The following CSMD1 variants were observed in gnomAD, a reference collection of about 807,000 sequenced individuals.
CSMD1 encodes the protein CUB and sushi domain-containing protein 1.
In CSMD1, 213 loss-of-function variants were observed where a neutral mutation model predicts 417.5. That is an observed-to-expected ratio of 0.51 (90% CI 0.46 to 0.57). The LOEUF (loss-of-function observed/expected upper bound fraction) is 0.57. Ranked by LOEUF, CSMD1 falls within the 20% of genes least tolerant of loss-of-function variation. CSMD1 has a pLI of 0.00. For synonymous variants in CSMD1, 2,862 were observed against 1,736.8 expected (o/e 1.65, Z -16.11); for missense variants, 6,923 against 4,529.7 (o/e 1.53, Z -15.17).
chr8:4,255,047 C>A (rs988941397), intron 3 of CSMD1, among the ~76,000 whole-genome samples: 1 of 152,196 alleles, frequency 6.6e-6, no homozygotes, highest in South Asian at 2.1e-4. Context: ...AGGAGTTGAT[C>A]AAGCAATTCT....
chr8:4,853,863 G>C (rs1182435469), intron 1 of CSMD1, among the ~76,000 whole-genome samples: 1 of 152,212 alleles, frequency 6.6e-6, no homozygotes, highest in Non-Finnish European at 1.5e-5. Context: ...CTGGATGCAG[G>C]ACATACAGTC....
intron 26 of CSMD1, among the ~76,000 whole-genome samples, chr8:3,281,082 T>C (rs1380483383): frequency 1.3e-5 from 2 of 152,164 alleles, no homozygotes; most frequent in African/African-American, 4.8e-5. Context: ...TGCACACAGA[T>C]GTTTAGAGGC....
chr8:3,452,877 G>C (rs1815842002), intron 12 of CSMD1, among the ~76,000 whole-genome samples: 1 of 152,180 alleles, frequency 6.6e-6, no homozygotes, highest in Non-Finnish European at 1.5e-5. Flanking sequence ...GATTGGAATA[G>C]TTTCAGAAGG....
chr8:3,754,037 G>C lies in CSMD1; in HGVS notation c.824C>G (p.Thr275Ser), dbSNP rs773240826. ...AACTGGAGAGGGGAGGTTCATGCCA[G>C]TTAGCCTAGAGAAGAGAAAGAGGAA... Reference protein sequence around the residue: ...SGTEAPSIWLTGMNLPSPVIS... With the variant: ...SGTEAPSIWLSGMNLPSPVIS... The change falls in exon 6 of 70, where the codon ACT becomes AGT. Residue 275 changes from threonine to serine, a missense_variant. Transcript: ENST00000635120. 1.4e-5 allele frequency: 22 copies of C among 1,610,374 alleles called. No individual in the cohort carries two copies. The highest frequency in any genetic ancestry group is 1.7e-5 in the Non-Finnish European group (20 of 1,177,424).
At chr8:4,756,498 T>A (rs1811676680) in intron 1 of CSMD1, among the ~76,000 whole-genome samples, 1 of 152,194 alleles carries the variant, frequency 6.6e-6, no homozygotes, top group African/African-American at 2.4e-5. Context: ...GTAAATAATA[T>A]TTGTTTTAAC....
At chr8:3,327,910 T>C (rs921804056) in intron 23 of CSMD1, among the ~76,000 whole-genome samples, 1 of 152,152 alleles carries the variant, frequency 6.6e-6, no homozygotes, top group Non-Finnish European at 1.5e-5. Flanking sequence ...GATCCTTTAA[T>C]TGGGTCACCT....
At chr8:3,820,842 C>T (rs890514463) in intron 5 of CSMD1, among the ~76,000 whole-genome samples, 3 of 152,088 alleles carry the variant, frequency 2.0e-5, no homozygotes, top group African/African-American at 7.2e-5. Flanking sequence ...CCTCGACCTC[C>T]CAAAGTGCTG....
intron 3 of CSMD1, among the ~76,000 whole-genome samples, chr8:4,187,714 T>C (rs941205333): frequency 6.7e-6 from 1 of 149,580 alleles, no homozygotes; most frequent in Admixed American, 6.7e-5. Context: ...AAGTTTATTC[T>C]AGTTAGTGTA....
intron 3 of CSMD1, among the ~76,000 whole-genome samples, chr8:4,295,875 A>G (rs1797654696): frequency 6.7e-6 from 1 of 150,334 alleles, no homozygotes; most frequent in Non-Finnish European, 1.5e-5. Context: ...AAACAAGTAC[A>G]ATGCTCTTGT....
Position 3,997,931 on chromosome 8 carries a change from T to C in CSMD1, c.790A>G (p.Ile264Val). 6.2e-7 allele frequency: 1 copy of C among 1,612,480 alleles called. No individual in the cohort carries two copies. Among genetic ancestry groups the C allele is most frequent in the Non-Finnish European group, 8.5e-7 (1 of 1,179,298 alleles). ...QLEEGYDFLE[I>V]SGTEAPSIWL... ...ATGGATGGAGCTTCCGTGCCACTGA[T>C]CTCTAAGAAATCATATCCTTCTTCT... Residue 264 changes from isoleucine to valine, a missense_variant, in exon 5 of 70, where the codon ATC (isoleucine) becomes GTC (valine). Ile to Val is a conservative substitution (Grantham distance 29, BLOSUM62 3). Transcript: ENST00000635120.
chr8:3,971,211 G>A (rs1351189102), intron 5 of CSMD1, among the ~76,000 whole-genome samples: 3 of 152,078 alleles, frequency 2.0e-5, no homozygotes, highest in Admixed American at 1.3e-4. Flanking sequence ...GTGTTCAGAG[G>A]CGCTGCTTCT....
intron 55 of CSMD1, among the ~76,000 whole-genome samples, chr8:2,977,027 T>C (rs1283093664): frequency 2.0e-5 from 3 of 151,700 alleles, no homozygotes; most frequent in African/African-American, 7.3e-5. Context: ...CACAAGCCAA[T>C]TACTATCAGG....
chr8:3,854,585 C>A (rs979576467), intron 5 of CSMD1, among the ~76,000 whole-genome samples: 1 of 152,048 alleles, frequency 6.6e-6, no homozygotes, highest in Non-Finnish European at 1.5e-5. Context: ...TGCACTGGAA[C>A]TCCCTCACCC....
intron 3 of CSMD1, among the ~76,000 whole-genome samples, chr8:4,349,935 C>G (rs1800993263): frequency 6.6e-6 from 1 of 151,640 alleles, no homozygotes; most frequent in Non-Finnish European, 1.5e-5. Flanking sequence ...CTTTATACTG[C>G]CAAACTTTAA....
At chr8:4,645,957 G>A (rs774905445) in intron 1 of CSMD1, among the ~76,000 whole-genome samples, 1 of 152,066 alleles carries the variant, frequency 6.6e-6, no homozygotes, top group Non-Finnish European at 1.5e-5. Flanking sequence ...TGATAAAGTC[G>A]GTTATATTCC....
chr8:3,756,083 G>A (rs189431608), intron 5 of CSMD1, among the ~76,000 whole-genome samples: 25 of 152,144 alleles, frequency 1.6e-4, no homozygotes, highest in African/African-American at 4.8e-4. Flanking sequence ...GTGGCCGGGC[G>A]CAGTGGCTCA....
At position 4,894,137 on chromosome 8, in the gene CSMD1, T is replaced by C. The variant is rs562952816; in HGVS notation, c.85+100195A>G. On this transcript the variant is annotated intron_variant, in intron 1 of 69. Coordinates refer to ENST00000635120, the MANE Select transcript of CSMD1 (RefSeq NM_033225.6). ...CACTGTATCCCATACATTTGAAAAA[T>C]TATCTCTATTTTAACAGTGAACAGT... 1.0e-3 allele frequency among the ~76,000 whole-genome samples: 155 copies of C among 152,144 alleles called. 3 individuals carry two copies. Among genetic ancestry groups the C allele is most frequent in the African/African-American group, 3.4e-3 (142 of 41,456 alleles).
At chr8:3,421,438 G>C (rs1813482396) in intron 12 of CSMD1, among the ~76,000 whole-genome samples, 1 of 152,202 alleles carries the variant, frequency 6.6e-6, no homozygotes, top group Non-Finnish European at 1.5e-5. Flanking sequence ...TAAGAAAAGA[G>C]AAACATCATT....
At chr8:4,748,364 G>C (rs917732553) in intron 1 of CSMD1, among the ~76,000 whole-genome samples, 3 of 152,176 alleles carry the variant, frequency 2.0e-5, no homozygotes, top group African/African-American at 7.2e-5. Context: ...TCTTAGCATG[G>C]TTTTCTGCTC....
Sources: gnomAD v4.1 joint callset for allele counts (sites outside exome capture counted in the v4.1 genomes callset) on GRCh38, gnomAD v4.1.1 for gene constraint, MANE v1.5 for transcripts, NCBI Gene and HGNC (gene_info 2026-07-23, HGNC 2026-07-21) for gene names.